The following CYRIB variants were observed in gnomAD, a reference collection of about 807,000 sequenced individuals.
The protein encoded by CYRIB is CYFIP-related Rac1 interactor B.
A neutral mutation model predicts 44.2 loss-of-function variants in CYRIB; 8 were observed. The observed-to-expected ratio is 0.18, with a 90% confidence interval of 0.11 to 0.33. The LOEUF (loss-of-function observed/expected upper bound fraction) is 0.33. Ranked by LOEUF, CYRIB falls within the 10% of genes least tolerant of loss-of-function variation. The probability of loss-of-function intolerance (pLI) is 1.00; values close to 1 mark genes in which losing one functional copy is unlikely to be tolerated. For missense variants in CYRIB, 185 were observed against 382.8 expected (o/e 0.48, Z 4.31); for synonymous variants, 131 against 127.2 (o/e 1.03, Z -0.20).
At position 129,849,385 on chromosome 8, in the gene CYRIB, G is replaced by A. The variant is rs766216442; in HGVS notation, c.714-16C>T. ...TCTGTATTCCCTGAAGAGTAGATAA[G>A]ATATGCATGGAAGAAGTGCATTACA... On this transcript the variant is annotated splice_polypyrimidine_tract_variant and intron_variant, in intron 9 of 11. Transcript: ENST00000519824. 2.5e-6 allele frequency: 4 copies of A among 1,587,630 alleles called. No homozygotes were observed. In the South Asian group the frequency reaches 4.7e-5, roughly 18 times the overall value.
At chr8:129,923,718 G>C (rs1421157064) in intron 1 of CYRIB, among the ~76,000 whole-genome samples, 2 of 151,846 alleles carry the variant, frequency 1.3e-5, no homozygotes, top group Non-Finnish European at 2.9e-5. Flanking sequence ...TTACATCCTT[G>C]ATAGTACACC....
At position 129,890,164 on chromosome 8, in the gene CYRIB, T is replaced by C. The variant is rs182402448; in HGVS notation, c.-10-10693A>G. Among the ~76,000 whole-genome samples the C allele has an allele frequency of 4.4e-3, 671 of 152,368 alleles. 3 individuals carry two copies. Among genetic ancestry groups the C allele is most frequent in the Middle Eastern group, 0.034 (10 of 294 alleles). On this transcript the variant is annotated intron_variant, in intron 2 of 11. Coordinates refer to ENST00000519824, the Ensembl canonical transcript of CYRIB. ...TCACATGAACACAGCTGATAAGCAC[T>C]GGCAAGGTCTGAAAGTACTGCTTCC...
At chr8:129,859,439 T>C (rs1486304564) in intron 5 of CYRIB, among the ~76,000 whole-genome samples, 1 of 152,012 alleles carries the variant, frequency 6.6e-6, no homozygotes, top group Non-Finnish European at 1.5e-5. Flanking sequence ...CCACAGGAGG[T>C]GGAGGAGCAG....
chr8:129,982,310 C>T (rs1714513259), intron 1 of CYRIB, among the ~76,000 whole-genome samples: 1 of 152,240 alleles, frequency 6.6e-6, no homozygotes, highest in South Asian at 2.1e-4. Flanking sequence ...TCTGTCTGAA[C>T]TATCCAATAC....
At chr8:129,842,983 A>G (rs1028771377) in intron 11 of CYRIB, among the ~76,000 whole-genome samples, 43 of 152,278 alleles carry the variant, frequency 2.8e-4, no homozygotes, top group African/African-American at 9.9e-4. Flanking sequence ...CAAATCCAAC[A>G]TAAGAATCCA....
At chr8:129,849,466 T>A (rs2042114499) in intron 9 of CYRIB, 97 bp from the exon 12 acceptor site, 2 of 1,238,712 alleles carry the variant, frequency 1.6e-6, no homozygotes, top group Non-Finnish European at 2.2e-6. Flanking sequence ...AATATTTTAT[T>A]CAAATTTCTA....
At chr8:129,899,141 C>T (rs1366981731) in intron 2 of CYRIB, among the ~76,000 whole-genome samples, 3 of 152,162 alleles carry the variant, frequency 2.0e-5, no homozygotes, top group African/African-American at 7.2e-5. Flanking sequence ...CTGGGATTTA[C>T]AGGCATGAAC....
At chr8:129,983,592 G>A (rs1260611006) in intron 1 of CYRIB, among the ~76,000 whole-genome samples, 5 of 152,278 alleles carry the variant, frequency 3.3e-5, no homozygotes, top group Non-Finnish European at 7.3e-5. Context: ...GTCACCCTGA[G>A]TGTGGCCCCA....
intron 8 of CYRIB, 99 bp downstream of exon 10, chr8:129,852,063 G>T: frequency 1.6e-6 from 1 of 639,290 alleles, no homozygotes; most frequent in Non-Finnish European, 2.6e-6. Context: ...GGAGTCTGTT[G>T]GTTTCAAGAT....
chr8:129,850,174 T>C (rs1362707665), intron 9 of CYRIB: 6 of 152,546 alleles, frequency 3.9e-5, no homozygotes, highest in African/African-American at 1.4e-4. Flanking sequence ...ATGTACAGTA[T>C]AGTGCTTTGG....
intron 1 of CYRIB, among the ~76,000 whole-genome samples, chr8:130,007,761 G>T (rs927747120): frequency 4.6e-5 from 7 of 151,734 alleles, no homozygotes; most frequent in Non-Finnish European, 1.0e-4. Context: ...TCCAGCCTGG[G>T]CAACAAGAGC....
rs191650834 is a variant in CYRIB, at chr8:130,003,361, T to C, written c.-296+13009A>G. Among the ~76,000 whole-genome samples, 99 of 152,324 alleles carry C rather than the reference T, an allele frequency of 6.5e-4. No individual in the cohort carries two copies. In the East Asian group the frequency reaches 0.015, roughly 23 times the overall value. ...AGATGTTCAAGGCTCTGGACATCAA[T>C]TGCAATAGTTGCCCAGAAGGGTCAC... On this transcript the variant is annotated intron_variant, in intron 1 of 14. Transcript: ENST00000401979.
intron 2 of CYRIB, among the ~76,000 whole-genome samples, chr8:129,891,315 C>T (rs2134855990): frequency 6.6e-6 from 1 of 152,328 alleles, no homozygotes; most frequent in East Asian, 1.9e-4. Context: ...TAAAATCCCT[C>T]GTTTTCTTTC....
chr8:130,012,272 G>A (rs1343723476), intron 1 of CYRIB, among the ~76,000 whole-genome samples: 1 of 152,122 alleles, frequency 6.6e-6, no homozygotes, highest in Non-Finnish European at 1.5e-5. Flanking sequence ...ACAAGCTCTG[G>A]TACAATTATC....
At chr8:129,945,059 A>G (rs2094037964) in intron 2 of CYRIB, among the ~76,000 whole-genome samples, 1 of 152,174 alleles carries the variant, frequency 6.6e-6, no homozygotes, top group South Asian at 2.1e-4. Flanking sequence ...AAGAGCCTTT[A>G]GGCAAAAGGT....
chr8:129,855,990 C>A (rs565251834), intron 5 of CYRIB, among the ~76,000 whole-genome samples: 1 of 152,174 alleles, frequency 6.6e-6, no homozygotes, highest in Non-Finnish European at 1.5e-5. Flanking sequence ...GTTTATAATT[C>A]TGTAAACCCA....
At chr8:129,927,326 A>G (rs2088442692) in intron 1 of CYRIB, among the ~76,000 whole-genome samples, 2 of 152,202 alleles carry the variant, frequency 1.3e-5, no homozygotes, top group Non-Finnish European at 2.9e-5. Flanking sequence ...ATCTTTTACC[A>G]GATGAAGTGA....
At chr8:129,990,041 G>A (rs1445561427) in intron 1 of CYRIB, among the ~76,000 whole-genome samples, 1 of 151,922 alleles carries the variant, frequency 6.6e-6, no homozygotes, top group Admixed American at 6.6e-5. Flanking sequence ...TCACATCGTT[G>A]ACTTTCCGAG....
At chr8:129,982,878 C>A (rs1049894499) in intron 1 of CYRIB, among the ~76,000 whole-genome samples, 13 of 152,166 alleles carry the variant, frequency 8.5e-5, no homozygotes, top group Non-Finnish European at 1.9e-4. Context: ...AGCTGGCTGT[C>A]ACCAAGCCAC....
Sources: gnomAD v4.1 joint callset for allele counts (sites outside exome capture counted in the v4.1 genomes callset) on GRCh38, gnomAD v4.1.1 for gene constraint, MANE v1.5 for transcripts, NCBI Gene and HGNC (gene_info 2026-07-23, HGNC 2026-07-21) for gene names.